ZNF827: variants seen among roughly 807,000 people sequenced by gnomAD.
ZNF827 encodes zinc finger protein 827.
A neutral mutation model predicts 102.4 loss-of-function variants in ZNF827; 13 were observed. The ratio of observed to expected loss-of-function variants is 0.13; its 90% CI spans 0.08 to 0.20. The LOEUF is 0.20. Among genes scored for constraint, ZNF827 ranks in the 10% least tolerant of loss-of-function variants. The pLI is 1.00. For synonymous variants in ZNF827, 523 were observed against 536.2 expected (o/e 0.98, Z 0.34); for missense variants, 1,103 against 1,344.4 (o/e 0.82, Z 2.81).
At chr4:145,790,273 CTTGT>C (rs1459089588) in intron 8 of ZNF827, among the ~76,000 whole-genome samples, 2 of 152,056 alleles carry the variant, frequency 1.3e-5, no homozygotes, top group Non-Finnish European at 2.9e-5. Flanking sequence ...CCTCTTTTCT[CTTGT>C]TTGTCATTGA....
chr4:145,783,073 CAT>C (rs35483499), intron 8 of ZNF827, among the ~76,000 whole-genome samples: 41,831 of 150,928 alleles, frequency 0.28, 6,058 homozygotes, highest in African/African-American at 0.33. Context: ...TTCTATAAGC[CAT>C]ATATATATAT....
intron 5 of ZNF827, among the ~76,000 whole-genome samples, chr4:145,863,018 A>G (rs1283356910): frequency 6.6e-6 from 1 of 152,260 alleles, no homozygotes; most frequent in Admixed American, 6.5e-5. Flanking sequence ...ACTTATGTCC[A>G]GAATACATAA....
At chr4:145,873,411 C>G (rs747702845) in intron 4 of ZNF827, among the ~76,000 whole-genome samples, 12 of 152,046 alleles carry the variant, frequency 7.9e-5, no homozygotes, top group Non-Finnish European at 1.6e-4. Context: ...CCAAAATATC[C>G]CACCAAAAGC....
chr4:145,938,229 C>G (rs987264014), intron 1 of ZNF827, 136 bp downstream of exon 1: 269 of 1,044,722 alleles, frequency 2.6e-4, no homozygotes, highest in Middle Eastern at 1.3e-3. Context: ...GAGGAGTAAC[C>G]CGGGCTGTGT....
At chr4:145,829,127 A>T (rs545320785) in intron 7 of ZNF827, among the ~76,000 whole-genome samples, 1 of 151,882 alleles carries the variant, frequency 6.6e-6, no homozygotes, top group African/African-American at 2.4e-5. Context: ...ATGACACAAC[A>T]GTTTTAAAGG....
At chr4:145,802,542 G>C (rs1741011991) in intron 8 of ZNF827, among the ~76,000 whole-genome samples, 1 of 152,244 alleles carries the variant, frequency 6.6e-6, no homozygotes, top group Non-Finnish European at 1.5e-5. Flanking sequence ...CTTCCTGAGG[G>C]AACTCAAAGC....
intron 9 of ZNF827, among the ~76,000 whole-genome samples, chr4:145,778,024 A>G (rs1737366350): frequency 6.6e-6 from 1 of 152,160 alleles, no homozygotes; most frequent in Non-Finnish European, 1.5e-5. Context: ...GAACATGTTA[A>G]AGTTTTCCTA....
chr4:145,827,011 T>C (rs2126517715), intron 7 of ZNF827, among the ~76,000 whole-genome samples: 1 of 152,136 alleles, frequency 6.6e-6, no homozygotes. Flanking sequence ...CCTCCCAAAG[T>C]GCTGGGATTA....
intron 1 of ZNF827, among the ~76,000 whole-genome samples, chr4:145,925,595 G>C (rs183528142): frequency 6.6e-6 from 1 of 152,304 alleles, no homozygotes; most frequent in African/African-American, 2.4e-5. Context: ...TGAGCACCAA[G>C]TGGGGGTTAC....
intron 4 of ZNF827, among the ~76,000 whole-genome samples, chr4:145,874,715 G>A (rs979649768): frequency 2.0e-5 from 3 of 152,124 alleles, no homozygotes; most frequent in African/African-American, 4.8e-5. Context: ...GTGCAGGTGC[G>A]GAACTCAACT....
rs1734781695 is a variant in ZNF827, at chr4:145,763,115, G to C, written c.3238C>G (p.Gln1080Glu). ...CTAGAGGAGTCTGAAACTCACCACT[G>C]TCCTGAGCTACGGCAAAAGAAAAAT... Reference protein sequence around the residue: ...TVPTGGLNSGQW With the variant: ...TVPTGGLNSGEW The change falls in exon 14 of 15, where the codon CAG (glutamine) becomes GAG (glutamate). Residue 1080 changes from glutamine (Q) to glutamate (E), a missense_variant. Gln to Glu is a conservative substitution (Grantham distance 29). This residue lies in a region of ZNF827 where 242 missense variants were observed against 361.9 expected (regional missense o/e 0.67). Coordinates refer to ENST00000508784, the MANE Select transcript of ZNF827 (RefSeq NM_001306215.2). This position sits in a 1 kb window ranked among gnomAD's most constrained non-coding sequence, Gnocchi z 4.6. 6.5e-7 allele frequency: 1 copy of C among 1,535,976 alleles called. No homozygotes were observed. The highest frequency in any genetic ancestry group is 1.2e-5 in the South Asian group (1 of 84,062).
chr4:145,912,614 T>C (rs1012330708), intron 1 of ZNF827, among the ~76,000 whole-genome samples: 1 of 152,210 alleles, frequency 6.6e-6, no homozygotes, highest in African/African-American at 2.4e-5. Context: ...TGGACTCAAA[T>C]CCAGTATGAC....
At chr4:145,803,710 A>G (rs1243083284) in intron 8 of ZNF827, among the ~76,000 whole-genome samples, 1 of 152,204 alleles carries the variant, frequency 6.6e-6, no homozygotes, top group Non-Finnish European at 1.5e-5. Flanking sequence ...CCAAGACTCT[A>G]GAACTTTAAT....
chr4:145,841,741 A>G (rs1044924995), intron 7 of ZNF827, among the ~76,000 whole-genome samples: 21 of 152,340 alleles, frequency 1.4e-4, no homozygotes, highest in Admixed American at 8.5e-4. Context: ...GACACAAACA[A>G]GGGTGGAGGG....
intron 1 of ZNF827, among the ~76,000 whole-genome samples, chr4:145,924,729 T>C (rs778172114): frequency 1.5e-4 from 23 of 152,358 alleles, no homozygotes; most frequent in Admixed American, 3.9e-4. Context: ...ACAGTTGATT[T>C]TTGAGATGTA....
At chr4:145,793,437 C>T (rs1264239987) in intron 8 of ZNF827, among the ~76,000 whole-genome samples, 5 of 150,318 alleles carry the variant, frequency 3.3e-5, no homozygotes, top group African/African-American at 4.9e-5. Context: ...GTCTGAGTCT[C>T]GAAACTGAAG....
intron 7 of ZNF827, chr4:145,832,700 C>T (rs1744353400): frequency 1.3e-5 from 2 of 152,322 alleles, no homozygotes; most frequent in African/African-American, 4.8e-5. Flanking sequence ...TGAAGAATCA[C>T]AAAAGAAGTG....
intron 7 of ZNF827, among the ~76,000 whole-genome samples, chr4:145,842,812 A>T (rs537557869): frequency 7.2e-5 from 11 of 152,318 alleles, no homozygotes; most frequent in African/African-American, 2.6e-4. Flanking sequence ...AAAATTCTGA[A>T]CTTGATTCCA....
At chr4:145,832,121 C>T (rs770547457) in intron 7 of ZNF827, 6 of 152,024 alleles carry the variant, frequency 3.9e-5, no homozygotes, top group Non-Finnish European at 8.8e-5. Context: ...AAAAATTAGC[C>T]AAGTGTGGTG....
Sources: gnomAD v4.1 joint callset for allele counts (sites outside exome capture counted in the v4.1 genomes callset) on GRCh38, gnomAD v4.1.1 for gene constraint, gnomAD v4.1.1 regional missense constraint, Gnocchi (gnomAD v3.1) non-coding constraint, MANE v1.5 for transcripts, NCBI Gene and HGNC (gene_info 2026-07-23, HGNC 2026-07-21) for gene names.